TMEM232: variants seen among roughly 807,000 people sequenced by gnomAD.
The protein encoded by TMEM232 is transmembrane protein 232.
In TMEM232, 80 loss-of-function variants were observed where a neutral mutation model predicts 78.8. The observed-to-expected ratio is 1.01, with a 90% confidence interval of 0.85 to 1.22. TMEM232 has a LOEUF of 1.22. TMEM232 is among the 50% of genes most tolerant of loss of function. The probability of loss-of-function intolerance (pLI) is 0.00; values close to 1 mark genes in which losing one functional copy is unlikely to be tolerated. For synonymous variants in TMEM232, 297 were observed against 254.3 expected, an observed-to-expected ratio of 1.17 and a Z score of -1.60; for missense variants, 881 against 742.2, an observed-to-expected ratio of 1.19 and a Z score of -2.17.
At position 110,638,297 on chromosome 5, in the gene TMEM232, C is replaced by T. The variant is rs1167059876; in HGVS notation, c.402G>A (p.Leu134=). 4 of 1,550,708 alleles carry T rather than the reference C, an allele frequency of 2.6e-6. No homozygotes were observed. The African/African-American group carries it at 5.5e-5, about 21-fold the overall frequency. ...LDHASFDYDH[L]PALFFVAESV... is the part of the protein sequence containing the mutation. ...ATTCCGCAACAAAAAATAAGGCAGG[C>T]AGATGATCATAATCAAAGGAAGCAT... The change falls in exon 5 of 14, where the codon CTG becomes CTA. Residue 134 remains leucine, a synonymous_variant. Coordinates refer to ENST00000455884, the MANE Select transcript of TMEM232 (RefSeq NM_001039763.4).
chr5:110,663,987 T>G (rs1185901179), intron 2 of TMEM232, among the ~76,000 whole-genome samples: 1 of 152,024 alleles, frequency 6.6e-6, no homozygotes, highest in Non-Finnish European at 1.5e-5. Context: ...AAAAAATTTT[T>G]TATTTATCCG....
At chr5:110,540,921 A>G (rs1321048207) in intron 11 of TMEM232, among the ~76,000 whole-genome samples, 2 of 152,218 alleles carry the variant, frequency 1.3e-5, no homozygotes, top group Non-Finnish European at 2.9e-5. Flanking sequence ...TACACCTGCC[A>G]AAGGCCATAG....
chr5:110,408,878 G>T (rs1755890144), intron 2 of TMEM232, among the ~76,000 whole-genome samples: 1 of 152,094 alleles, frequency 6.6e-6, no homozygotes, highest in Non-Finnish European at 1.5e-5. Context: ...ACTCATCACA[G>T]GTGGAGGATG....
chr5:110,620,656 TCTC>T (rs1231450145), intron 7 of TMEM232, among the ~76,000 whole-genome samples: 170 of 132,854 alleles, frequency 1.3e-3, no homozygotes, highest in African/African-American at 4.7e-3. Context: ...CCTCTCTCTC[TCTC>T]CTCCTCTCTC....
chr5:110,661,257 A>G (rs1789750441), intron 2 of TMEM232, among the ~76,000 whole-genome samples: 1 of 152,098 alleles, frequency 6.6e-6, no homozygotes, highest in African/African-American at 2.4e-5. Context: ...GATTGATTCC[A>G]TATCTTGGCT....
At chr5:110,453,958 G>T (rs537921406) in intron 12 of TMEM232, among the ~76,000 whole-genome samples, 7 of 151,832 alleles carry the variant, frequency 4.6e-5, no homozygotes, top group African/African-American at 9.7e-5. Context: ...ACTAAGAAAA[G>T]AAAAACATTC....
At chr5:110,443,164 T>C (rs1341573097) in intron 12 of TMEM232, among the ~76,000 whole-genome samples, 2 of 152,114 alleles carry the variant, frequency 1.3e-5, no homozygotes, top group African/African-American at 2.4e-5. Flanking sequence ...GTCCTTCCCT[T>C]CAGGACATTG....
chr5:110,665,534 G>A (rs1468897371), intron 2 of TMEM232, among the ~76,000 whole-genome samples: 1 of 152,106 alleles, frequency 6.6e-6, no homozygotes, highest in Non-Finnish European at 1.5e-5. Context: ...GCAGGAGAGA[G>A]TGAGAAGGGG....
intron 12 of TMEM232, among the ~76,000 whole-genome samples, chr5:110,456,724 C>T (rs1297043128): frequency 1.3e-5 from 2 of 152,050 alleles, no homozygotes; most frequent in Non-Finnish European, 2.9e-5. Flanking sequence ...CCTGCACATA[C>T]ACAGTCAACT....
rs181157439 is a variant in TMEM232, at chr5:110,502,924, C to T, written c.1703+25664G>A. Among the ~76,000 whole-genome samples the T allele has an allele frequency of 8.5e-5, 13 of 152,276 alleles. No individual in the cohort carries two copies. In the East Asian group the frequency reaches 1.7e-3, roughly 20 times the overall value. On this transcript the variant is annotated intron_variant, in intron 12 of 13. Coordinates refer to ENST00000455884, the MANE Select transcript of TMEM232 (RefSeq NM_001039763.4). ...ATTCTTCAATTACTTTCATTATTAT[C>T]ATCTGGTTAATTTCAATCATGGGAC...
chr5:110,554,887 G>A (rs565757888), intron 11 of TMEM232, among the ~76,000 whole-genome samples: 54 of 152,232 alleles, frequency 3.5e-4, no homozygotes, highest in Non-Finnish European at 6.3e-4. Context: ...TCAACCTTGG[G>A]AGGTTATGTG....
chr5:110,620,635 CT>C lies in TMEM232; in HGVS notation c.769-2074del, dbSNP rs1346225337. Among the ~76,000 whole-genome samples, 247 of 116,770 alleles carry C rather than the reference CT, an allele frequency of 2.1e-3. 4 individuals carry two copies. Among genetic ancestry groups the C allele is most frequent in the African/African-American group, 8.3e-3 (230 of 27,840 alleles). The allele number at this position is 116,770 out of a possible 152,430, so 76.6% of individuals were successfully genotyped here. ...TCTCTCTCTCTCTCTCTCTCTCTCT[CT>C]CTCCTCTCTCCTCTCTCTCTCTCCT... On this transcript the variant is annotated intron_variant, in intron 7 of 13. Coordinates refer to ENST00000455884, the MANE Select transcript of TMEM232 (RefSeq NM_001039763.4).
downstream of TMEM232, among the ~76,000 whole-genome samples, chr5:110,416,216 C>A (rs953928033): frequency 6.6e-6 from 1 of 152,202 alleles, no homozygotes. Context: ...CTTACAGATA[C>A]CTAGTCTCCA....
intron 1 of TMEM232, among the ~76,000 whole-genome samples, chr5:110,670,734 G>T (rs1791247948): frequency 6.6e-6 from 1 of 151,870 alleles, no homozygotes; most frequent in Non-Finnish European, 1.5e-5. Flanking sequence ...ATATTTTCAG[G>T]CATTTATTTT....
At chr5:110,430,757 A>G (rs895218180) in intron 12 of TMEM232, among the ~76,000 whole-genome samples, 1 of 151,770 alleles carries the variant, frequency 6.6e-6, no homozygotes, top group African/African-American at 2.4e-5. Context: ...AACCTTTAGG[A>G]TTTCTGTTTG....
rs752486137 is a variant in TMEM232, at chr5:110,391,347, G to GAGAGAA, written n.391-708_391-707insTTCTCT. 8.3e-3 allele frequency among the ~76,000 whole-genome samples: 1,245 copies of GAGAGAA among 150,538 alleles called. 18 individuals are homozygous for GAGAGAA. Among genetic ancestry groups the GAGAGAA allele is most frequent in the African/African-American group, 0.026 (1,056 of 40,648 alleles). Reference sequence around the variant, plus strand: ...TGTGTGAGAGAGAGAGAGAGAGAGAGAAACCTCTGTGGGACATATCCATAT... The same window carrying GAGAGAA: ...TGTGTGAGAGAGAGAGAGAGAGAGAGAGAGAAAAACCTCTGTGGGACATATCCATAT... On this transcript the variant is annotated intron_variant and non_coding_transcript_variant, in intron 3 of 8. Coordinates refer to the TMEM232 transcript ENST00000507188.
rs2150302933 is a variant in TMEM232, at chr5:110,708,154, A to G, written c.-13+18473T>C. On this transcript the variant is annotated intron_variant, in intron 1 of 13. Coordinates refer to ENST00000455884, the MANE Select transcript of TMEM232 (RefSeq NM_001039763.4). ...AAGCAGAGGGGCAGGTAAAGGTGAC[A>G]TTGTCTTGCACTTTAGGTCCCAGCT... Among the ~76,000 whole-genome samples the G allele has an allele frequency of 1.3e-5, 2 of 152,284 alleles. 1 individual carries two copies. The highest frequency in any genetic ancestry group is 4.2e-4 in the South Asian group (2 of 4,816).
At chr5:110,392,929 C>T (rs1755256831) in intron 3 of TMEM232, among the ~76,000 whole-genome samples, 1 of 152,120 alleles carries the variant, frequency 6.6e-6, no homozygotes, top group Non-Finnish European at 1.5e-5. Context: ...AATAATAATG[C>T]AATACCTAAT....
rs575458462 is a variant in TMEM232, at chr5:110,717,892, T to G, written c.-13+8735A>C. ...CAGCTATGTGGAACTGTGAGTCAATTAAACCTCTTTCCTTTATAAATTACC... is the reference window on the plus strand; with the variant it reads ...CAGCTATGTGGAACTGTGAGTCAATGAAACCTCTTTCCTTTATAAATTACC... On this transcript the variant is annotated intron_variant, in intron 1 of 13. Coordinates refer to ENST00000455884, the MANE Select transcript of TMEM232 (RefSeq NM_001039763.4). Among the ~76,000 whole-genome samples the G allele has an allele frequency of 1.1e-3, 175 of 152,246 alleles. 2 individuals carry two copies. Among genetic ancestry groups the G allele is most frequent in the African/African-American group, 4.1e-3 (171 of 41,562 alleles).
Sources: allele counts gnomAD v4.1 joint callset (sites outside exome capture counted in the v4.1 genomes callset), GRCh38; gene constraint gnomAD v4.1.1; transcripts MANE v1.5; gene names NCBI Gene and HGNC (gene_info 2026-07-23, HGNC 2026-07-21).